Variants in SHISAL1 observed in about 807,000 individuals in gnomAD.
SHISAL1 encodes shisa like 1.
SHISAL1 carries 9 observed loss-of-function variants against 22.6 expected under a neutral mutation model. The ratio of observed to expected loss-of-function variants is 0.40; its 90% CI spans 0.24 to 0.70. The LOEUF (loss-of-function observed/expected upper bound fraction) is 0.70, where lower values mean the gene tolerates loss of function less well. SHISAL1 is among the 30% of genes least tolerant of loss of function. SHISAL1 has a pLI of 0.39. For synonymous variants in SHISAL1, 119 were observed against 115.4 expected, an observed-to-expected ratio of 1.03 and a Z score of -0.20; for missense variants, 246 against 270.6, an observed-to-expected ratio of 0.91 and a Z score of 0.64.
At chr22:44,330,955 C>G in the SHISAL1 span, among the ~76,000 whole-genome samples, 1 of 152,034 alleles carries the variant, frequency 6.6e-6, no homozygotes, top group African/African-American at 2.4e-5. Flanking sequence ...CCAGCTGGGA[C>G]CCCCAGGCCC....
At chr22:44,300,593 A>G (rs1490122199) in intron 2 of SHISAL1, among the ~76,000 whole-genome samples, 2 of 152,140 alleles carry the variant, frequency 1.3e-5, no homozygotes, top group Admixed American at 6.5e-5. Flanking sequence ...AAAGGAGAGA[A>G]TGTGAGTCAG....
At chr22:44,317,686 G>A (rs1353760707), upstream of SHISAL1, among the ~76,000 whole-genome samples, 1 of 152,226 alleles carries the variant, frequency 6.6e-6, no homozygotes, top group Admixed American at 6.5e-5. Flanking sequence ...ACTGGATGGT[G>A]CATTGTTGGG....
intron 2 of SHISAL1, among the ~76,000 whole-genome samples, chr22:44,297,865 T>A (rs1368115035): frequency 1.3e-5 from 2 of 152,246 alleles, no homozygotes; most frequent in Admixed American, 1.3e-4. Context: ...AGGCAGTGGC[T>A]TTGCAGGAGT....
upstream of SHISAL1, among the ~76,000 whole-genome samples, chr22:44,313,239 G>A (rs2055533245): frequency 6.6e-6 from 1 of 152,266 alleles, no homozygotes; most frequent in Non-Finnish European, 1.5e-5. Context: ...CACCTCAGCA[G>A]ATGCTTGGCA....
chr22:44,300,998 G>A (rs2055424912), intron 1 of SHISAL1, 21 bp from the exon 2 acceptor site: 2 of 1,552,646 alleles, frequency 1.3e-6, no homozygotes, highest in Admixed American at 1.7e-5. Flanking sequence ...AGAGCCACGA[G>A]AGGCTGGGTG....
chr22:44,250,351 A>G (rs1365453754), intron 4 of SHISAL1, among the ~76,000 whole-genome samples: 1 of 152,230 alleles, frequency 6.6e-6, no homozygotes, highest in African/African-American at 2.4e-5. Context: ...GCTATAAAGA[A>G]GAGACCAAGG....
the SHISAL1 span, among the ~76,000 whole-genome samples, chr22:44,329,536 T>C: frequency 1.3e-5 from 2 of 152,076 alleles, no homozygotes; most frequent in South Asian, 4.1e-4. Context: ...CCTGAGACAG[T>C]GCCAGGAACG....
chr22:44,304,209 G>C (rs1020926430), intron 1 of SHISAL1, among the ~76,000 whole-genome samples: 1 of 152,214 alleles, frequency 6.6e-6, no homozygotes, highest in Admixed American at 6.5e-5. Flanking sequence ...CTGCTTTACT[G>C]GGGGCAGAGT....
chr22:44,298,331 G>A (rs2055401965), intron 2 of SHISAL1, among the ~76,000 whole-genome samples: 1 of 152,230 alleles, frequency 6.6e-6, no homozygotes, highest in Non-Finnish European at 1.5e-5. Flanking sequence ...TGTGGCCCCT[G>A]ATCGGCCTCG....
At chr22:44,296,613 G>T in intron 3 of SHISAL1, 59 bp downstream of exon 3, 2 of 1,508,608 alleles carry the variant, frequency 1.3e-6, no homozygotes, top group East Asian at 2.3e-5. Flanking sequence ...GATTTTGGGA[G>T]GCAGGCCCCT....
upstream of SHISAL1, among the ~76,000 whole-genome samples, chr22:44,317,795 A>G (rs966002958): frequency 6.6e-6 from 1 of 152,262 alleles, no homozygotes; most frequent in Non-Finnish European, 1.5e-5. Context: ...CCTCCCCCGC[A>G]GCATAGCAAG....
chr22:44,252,844 A>C (rs1217872143), intron 4 of SHISAL1, among the ~76,000 whole-genome samples: 1 of 151,002 alleles, frequency 6.6e-6, no homozygotes, highest in Non-Finnish European at 1.5e-5. Flanking sequence ...AATACAAAAA[A>C]ATTATCCGGG....
chr22:44,302,919 G>A (rs1189111940), intron 1 of SHISAL1, among the ~76,000 whole-genome samples: 1 of 124,150 alleles, frequency 8.1e-6, no homozygotes, highest in Non-Finnish European at 1.6e-5. Context: ...CCTGGGGTGG[G>A]TGCAGTGAGG....
the SHISAL1 span, among the ~76,000 whole-genome samples, chr22:44,322,510 C>T: frequency 6.6e-5 from 10 of 152,370 alleles, no homozygotes; most frequent in East Asian, 5.8e-4. Context: ...CTGCATGGAG[C>T]CCAAACACCT....
At chr22:44,283,674 C>A (rs1278369620) in intron 4 of SHISAL1, among the ~76,000 whole-genome samples, 1 of 152,138 alleles carries the variant, frequency 6.6e-6, no homozygotes, top group African/African-American at 2.4e-5. Context: ...GCTATTTATT[C>A]CAAATGTATG....
intron 4 of SHISAL1, among the ~76,000 whole-genome samples, chr22:44,252,675 G>C (rs1445597296): frequency 1.3e-5 from 2 of 150,696 alleles, no homozygotes; most frequent in Admixed American, 1.3e-4. Context: ...ACTGAAGGTA[G>C]AATGATTCAG....
At chr22:44,315,279 C>T (rs1441739168), upstream of SHISAL1, among the ~76,000 whole-genome samples, 3 of 152,132 alleles carry the variant, frequency 2.0e-5, no homozygotes, top group Admixed American at 1.3e-4. Flanking sequence ...ATAATGATTA[C>T]AGTACCCCCC....
chr22:44,288,903 C>T (rs1415303914), intron 3 of SHISAL1, among the ~76,000 whole-genome samples: 4 of 152,206 alleles, frequency 2.6e-5, no homozygotes, highest in Non-Finnish European at 5.9e-5. Context: ...GGACTGTCTG[C>T]CCCTGGAGAT....
At chr22:44,261,603 C>G (rs2055124847) in intron 4 of SHISAL1, among the ~76,000 whole-genome samples, 1 of 152,250 alleles carries the variant, frequency 6.6e-6, no homozygotes, top group South Asian at 2.1e-4. Context: ...CCCAGTGGGG[C>G]TATCGCTCCT....
Sources: gnomAD v4.1 joint callset for allele counts (sites outside exome capture counted in the v4.1 genomes callset) on GRCh38, gnomAD v4.1.1 for gene constraint, MANE v1.5 for transcripts, NCBI Gene and HGNC (gene_info 2026-07-23, HGNC 2026-07-21) for gene names.